The following ARSB variants were observed in gnomAD, a reference collection of about 807,000 sequenced individuals.
The protein encoded by ARSB is N-acetylgalactosamine-4-sulfatase.
A neutral mutation model predicts 50.9 loss-of-function variants in ARSB; 41 were observed. That is an observed-to-expected ratio of 0.81 (90% CI 0.63 to 1.04). The LOEUF is 1.04. ARSB is among the 50% of genes least tolerant of loss of function. ARSB has a pLI of 0.00. For synonymous variants in ARSB, 269 were observed against 284.8 expected, an observed-to-expected ratio of 0.94 and a Z score of 0.56; for missense variants, 672 against 693.3, an observed-to-expected ratio of 0.97 and a Z score of 0.35.
At chr5:78,829,764 A>G (rs1304031805) in intron 6 of ARSB, among the ~76,000 whole-genome samples, 1 of 152,244 alleles carries the variant, frequency 6.6e-6, no homozygotes, top group African/African-American at 2.4e-5. Flanking sequence ...ATCAATAAAT[A>G]TTTACAAAAT....
At chr5:78,930,318 T>C (rs544414058) in intron 4 of ARSB, among the ~76,000 whole-genome samples, 1 of 152,332 alleles carries the variant, frequency 6.6e-6, no homozygotes, top group African/African-American at 2.4e-5. Flanking sequence ...TATATAACTT[T>C]TTTGGTAGCT....
At chr5:78,853,956 G>A (rs963506154) in intron 5 of ARSB, among the ~76,000 whole-genome samples, 9 of 152,224 alleles carry the variant, frequency 5.9e-5, no homozygotes, top group East Asian at 5.8e-4. Context: ...TCCAGGTGCC[G>A]TCTGTCACCC....
intron 6 of ARSB, among the ~76,000 whole-genome samples, chr5:78,818,071 C>T (rs769860355): frequency 5.9e-5 from 9 of 152,110 alleles, no homozygotes; most frequent in Admixed American, 1.3e-4. Context: ...TGACTTGAAC[C>T]CAGGAGACAG....
chr5:78,934,671 T>C (rs573120132), intron 4 of ARSB, among the ~76,000 whole-genome samples: 1 of 152,174 alleles, frequency 6.6e-6, no homozygotes, highest in Non-Finnish European at 1.5e-5. Context: ...GCACCTGTAA[T>C]CCCAGCTACT....
chr5:78,863,445 A>G (rs1581059261), intron 5 of ARSB, among the ~76,000 whole-genome samples: 1 of 152,164 alleles, frequency 6.6e-6, no homozygotes, highest in African/African-American at 2.4e-5. Flanking sequence ...GGACGAGTTC[A>G]TGTCCTTTGT....
At chr5:78,874,946 A>C (rs373905813) in intron 5 of ARSB, among the ~76,000 whole-genome samples, 18 of 151,922 alleles carry the variant, frequency 1.2e-4, no homozygotes, top group African/African-American at 3.9e-4. Context: ...CTGCCTCTAC[A>C]AAATAAAAAT....
chr5:78,969,075 C>A lies in ARSB; in HGVS notation c.430G>T (p.Gly144Ter). The change falls in exon 2 of 8, where the codon GGA (glycine) becomes TGA (stop). Residue 144 changes from glycine to a stop codon, truncating the protein, a stop_gained. Transcript: ENST00000264914. LOFTEE classifies it high-confidence loss of function. ...CGGTACATTCCCAGGTGCCATTTTC[C>A]GACCATATGGGTAGTATAACCTGCT... ...KEAGYTTHMV[G>*]KWHLGMYRKE... is the part of the protein sequence containing the mutation. 1 of 1,614,144 alleles carries A rather than the reference C, an allele frequency of 6.2e-7. No homozygotes were observed. Among genetic ancestry groups the A allele is most frequent in the Non-Finnish European group, 8.5e-7 (1 of 1,180,014 alleles).
chr5:78,862,184 T>A lies in ARSB; in HGVS notation c.1143-22758A>T, dbSNP rs184696814. The stretch of plus-strand genomic sequence containing the variant: ...AGAATCAATATAGTGAAAATGGCCA[T>A]ACTGCCCGAGGTAATTTATACATTC... On this transcript the variant is annotated intron_variant, in intron 5 of 7. Coordinates refer to ENST00000264914, the MANE Select transcript of ARSB (RefSeq NM_000046.5). Among the ~76,000 whole-genome samples the A allele has an allele frequency of 3.9e-5, 6 of 152,288 alleles. No individual in the cohort carries two copies. The East Asian group carries it at 1.2e-3, about 29-fold the overall frequency.
At chr5:78,913,390 CT>C (rs1351438199) in intron 4 of ARSB, among the ~76,000 whole-genome samples, 6 of 152,066 alleles carry the variant, frequency 3.9e-5, no homozygotes, top group African/African-American at 9.7e-5. Context: ...TCTCAAAGTG[CT>C]TGGGATTACA....
chr5:78,906,501 C>T (rs1050046619), intron 4 of ARSB, among the ~76,000 whole-genome samples: 1 of 152,058 alleles, frequency 6.6e-6, no homozygotes, highest in Non-Finnish European at 1.5e-5. Flanking sequence ...AGGTCAAAGC[C>T]AAGAGATAGA....
chr5:78,945,420 C>T (rs549925243), intron 4 of ARSB, among the ~76,000 whole-genome samples: 1 of 152,216 alleles, frequency 6.6e-6, no homozygotes, highest in Non-Finnish European at 1.5e-5. Context: ...ATCTTGGCTC[C>T]ACCCCTCCTA....
chr5:78,852,523 C>A (rs1745870035), intron 5 of ARSB, among the ~76,000 whole-genome samples: 1 of 152,126 alleles, frequency 6.6e-6, no homozygotes, highest in Admixed American at 6.6e-5. Context: ...ATGAATCTGA[C>A]AATTATGTGT....
In ARSB at chr5:78,984,960, G is replaced by A. The variant is rs1554032094; in HGVS notation, c.289C>T (p.Gln97Ter). ...ACCTGGTAGCGGCCAGTGAGCAGCT[G>A]GCTCCGCGACGGCGTGCACAGCGGC... Reference protein sequence around the residue: ...TQPLCTPSRSQLLTGRYQIRT... With the variant: ...TQPLCTPSRS The change falls in exon 1 of 8, where the codon CAG (glutamine) becomes TAG (stop). Residue 97 changes from glutamine to a stop codon, truncating the protein, a stop_gained. Transcript: ENST00000264914. LOFTEE classifies it high-confidence loss of function. 1 of 1,478,300 alleles carries A rather than the reference G, an allele frequency of 6.8e-7. No homozygotes were observed. Among genetic ancestry groups the A allele is most frequent in the Non-Finnish European group, 9.0e-7 (1 of 1,113,690 alleles). 91.6% of individuals were successfully genotyped at this position (1,478,300 alleles called of 1,614,324 possible). A position where few individuals can be genotyped will look rare whatever the true frequency, so the allele number is the denominator to read the frequency against.
intron 5 of ARSB, chr5:78,885,173 C>T: frequency 4.8e-6 from 1 of 207,576 alleles, no homozygotes. Context: ...TAGATACTTG[C>T]TAATAAATGG....
chr5:78,959,488 T>C (rs1303412316), intron 3 of ARSB, among the ~76,000 whole-genome samples: 1 of 152,204 alleles, frequency 6.6e-6, no homozygotes, highest in Non-Finnish European at 1.5e-5. Flanking sequence ...CTTTGGAATC[T>C]GTGCTTCCCA....
chr5:78,842,832 T>C (rs1745288601), intron 5 of ARSB, among the ~76,000 whole-genome samples: 2 of 150,482 alleles, frequency 1.3e-5, no homozygotes, highest in South Asian at 4.2e-4. Context: ...CTGCCATCCC[T>C]TCCTCACTCC....
At chr5:78,822,275 A>C (rs1233059051) in intron 6 of ARSB, among the ~76,000 whole-genome samples, 1 of 152,210 alleles carries the variant, frequency 6.6e-6, no homozygotes, top group African/African-American at 2.4e-5. Flanking sequence ...TTAATCAAAT[A>C]CAGATTTTGG....
At chr5:78,892,859 T>A (rs1303579074) in intron 4 of ARSB, among the ~76,000 whole-genome samples, 2 of 152,188 alleles carry the variant, frequency 1.3e-5, no homozygotes. Flanking sequence ...AGACTTTACA[T>A]CTTGACTAAG....
intron 5 of ARSB, among the ~76,000 whole-genome samples, chr5:78,879,120 C>G (rs1747625706): frequency 6.6e-6 from 1 of 152,204 alleles, no homozygotes; most frequent in Non-Finnish European, 1.5e-5. Context: ...TCCCATAGTG[C>G]TGGGATTATA....
Sources: allele counts gnomAD v4.1 joint callset (sites outside exome capture counted in the v4.1 genomes callset), GRCh38; gene constraint gnomAD v4.1.1; transcripts MANE v1.5; gene names NCBI Gene and HGNC (gene_info 2026-07-23, HGNC 2026-07-21).